Variants in ANKFN1 observed in about 807,000 individuals in gnomAD.
ANKFN1 encodes the protein ankyrin repeat and fibronectin type III domain containing 1.
Under a neutral mutation model 108.7 loss-of-function variants are expected in ANKFN1, and 74 were observed. The ratio of observed to expected loss-of-function variants is 0.68; its 90% CI spans 0.56 to 0.83. The LOEUF is 0.83. ANKFN1 is among the 40% of genes least tolerant of loss of function. ANKFN1 has a pLI of 0.00. For synonymous variants in ANKFN1, 547 were observed against 516.2 expected (o/e 1.06, Z -0.81); for missense variants, 1,505 against 1,382.3 (o/e 1.09, Z -1.41).
In ANKFN1 at chr17:56,070,760, C is replaced by T. The variant is rs139338960; in HGVS notation, c.288+24435C>T. Among the ~76,000 whole-genome samples the T allele has an allele frequency of 9.5e-4, 138 of 145,218 alleles. 1 individual carries two copies. Among genetic ancestry groups the T allele is most frequent in the African/African-American group, 3.6e-3 (135 of 37,516 alleles). Reference sequence around the variant, plus strand: ...TATTTTTTTCTTTTTTTTTTTGAGACGTACTCTCACTCTCACCAGGCTGGG... The same window carrying T: ...TATTTTTTTCTTTTTTTTTTTGAGATGTACTCTCACTCTCACCAGGCTGGG... On this transcript the variant is annotated intron_variant, in intron 4 of 12. Transcript: ENST00000635860.
At chr17:56,301,550 T>A (rs2044670349) in intron 3 of ANKFN1, among the ~76,000 whole-genome samples, 1 of 152,212 alleles carries the variant, frequency 6.6e-6, no homozygotes, top group Non-Finnish European at 1.5e-5. Context: ...GGGGAACACT[T>A]GTCTCCCAAA....
In ANKFN1 at chr17:56,294,287, C is replaced by T. The variant is rs1257275443; in HGVS notation, c.54-31934C>T. Among the ~76,000 whole-genome samples, 3 of 152,122 alleles carry T rather than the reference C, an allele frequency of 2.0e-5. No individual in the cohort carries two copies. In the East Asian group the frequency reaches 5.8e-4, roughly 29 times the overall value. On this transcript the variant is annotated intron_variant, in intron 3 of 20. Transcript: ENST00000682825. ...TAATCAAGAAGAGAATGCATGATTG[C>T]CCCTGGAAACCAAGTGATAGATCCA...
intron 2 of ANKFN1, among the ~76,000 whole-genome samples, chr17:56,222,224 G>A (rs1283903571): frequency 1.3e-5 from 2 of 152,112 alleles, no homozygotes; most frequent in African/African-American, 2.4e-5. Flanking sequence ...AGAACTTGGA[G>A]GCTTCCCCTA....
intron 4 of ANKFN1, among the ~76,000 whole-genome samples, chr17:56,111,827 T>C (rs1423152242): frequency 6.6e-6 from 1 of 152,250 alleles, no homozygotes; most frequent in African/African-American, 2.4e-5. Flanking sequence ...GCATAACTCA[T>C]TGAGTTTATT....
intron 19 of ANKFN1, among the ~76,000 whole-genome samples, chr17:56,497,990 T>C (rs1400937681): frequency 1.3e-5 from 2 of 152,138 alleles, no homozygotes; most frequent in African/African-American, 4.8e-5. Context: ...TCGTCATCTA[T>C]ATATACAGAG....
At chr17:56,233,160 T>A (rs1423449941) in intron 3 of ANKFN1, among the ~76,000 whole-genome samples, 1 of 152,120 alleles carries the variant, frequency 6.6e-6, no homozygotes, top group African/African-American at 2.4e-5. Flanking sequence ...GTTGTATTGT[T>A]GTTGCTTTTG....
At chr17:56,446,102 T>G (rs1156947954) in intron 10 of ANKFN1, among the ~76,000 whole-genome samples, 3 of 152,214 alleles carry the variant, frequency 2.0e-5, no homozygotes, top group Admixed American at 6.5e-5. Flanking sequence ...TTATGTCCAG[T>G]GCTCACTTGG....
At chr17:56,387,869 C>G (rs115055393) in intron 8 of ANKFN1, among the ~76,000 whole-genome samples, 2,932 of 152,192 alleles carry the variant, frequency 0.019, 80 homozygotes, top group African/African-American at 0.065. Flanking sequence ...ATGCATTTGT[C>G]TCTTGTAAAG....
At chr17:56,467,783 G>GAAAGAAAGAA (rs2050145430) in intron 15 of ANKFN1, among the ~76,000 whole-genome samples, 7 of 22,864 alleles carry the variant, frequency 3.1e-4, no homozygotes, top group African/African-American at 5.7e-4. Context: ...AAGAAAGAAA[G>GAAAGAAAGAA]AAAGAAAGAA....
At chr17:56,331,243 A>G (rs2045653899) in intron 4 of ANKFN1, among the ~76,000 whole-genome samples, 1 of 152,180 alleles carries the variant, frequency 6.6e-6, no homozygotes, top group East Asian at 1.9e-4. Flanking sequence ...AGCAACTGAA[A>G]GTTGCCATAA....
At chr17:56,175,533 T>C (rs554232499) in intron 1 of ANKFN1, among the ~76,000 whole-genome samples, 1 of 152,270 alleles carries the variant, frequency 6.6e-6, no homozygotes, top group African/African-American at 2.4e-5. Context: ...TTGTGAGACA[T>C]CTTCAGAAAT....
intron 2 of ANKFN1, among the ~76,000 whole-genome samples, chr17:56,220,696 A>AGGAAAG (rs143215264): frequency 1.4e-4 from 20 of 146,782 alleles, no homozygotes; most frequent in Non-Finnish European, 2.5e-4. Context: ...AAGAAAGGAA[A>AGGAAAG]GGAAAGGGAA....
At chr17:56,423,525 C>T (rs930014612) in intron 8 of ANKFN1, among the ~76,000 whole-genome samples, 10 of 152,150 alleles carry the variant, frequency 6.6e-5, no homozygotes, top group Admixed American at 2.0e-4. Flanking sequence ...CAAGGCCTTC[C>T]GCATATCAAC....
chr17:56,133,723 A>G (rs1031359099), intron 4 of ANKFN1, among the ~76,000 whole-genome samples: 2 of 152,230 alleles, frequency 1.3e-5, no homozygotes, highest in Admixed American at 1.3e-4. Flanking sequence ...AGTGTAGACA[A>G]TCATTGAATC....
chr17:56,443,051 G>A (rs1016084403), intron 10 of ANKFN1, 118 bp downstream of exon 10: 2 of 897,922 alleles, frequency 2.2e-6, no homozygotes, highest in East Asian at 5.3e-5. Context: ...GACCTTCTCA[G>A]GGCAGCATCT....
chr17:56,049,309 T>G (rs143089418), intron 4 of ANKFN1, among the ~76,000 whole-genome samples: 1 of 152,338 alleles, frequency 6.6e-6, no homozygotes, highest in Non-Finnish European at 1.5e-5. Flanking sequence ...AGCATGCATT[T>G]GCCCACCCTG....
intron 4 of ANKFN1, among the ~76,000 whole-genome samples, chr17:56,092,909 G>T (rs1386895819): frequency 6.6e-6 from 1 of 151,116 alleles, no homozygotes; most frequent in Non-Finnish European, 1.5e-5. Context: ...CTGCCAAGTT[G>T]CTTGGAATTT....
intron 4 of ANKFN1, among the ~76,000 whole-genome samples, chr17:56,338,895 A>G (rs2144609288): frequency 6.6e-6 from 1 of 152,218 alleles, no homozygotes; most frequent in Non-Finnish European, 1.5e-5. Flanking sequence ...TCTGTAATGC[A>G]GAGGAAATAA....
At chr17:56,160,604 G>GA (rs1162486630) in intron 1 of ANKFN1, among the ~76,000 whole-genome samples, 2 of 152,026 alleles carry the variant, frequency 1.3e-5, no homozygotes, top group Admixed American at 6.6e-5. Flanking sequence ...AGAGTTCCAG[G>GA]AAAAAAATGG....
Sources: allele counts gnomAD v4.1 joint callset (sites outside exome capture counted in the v4.1 genomes callset), GRCh38; gene constraint gnomAD v4.1.1; transcripts MANE v1.5; gene names NCBI Gene and HGNC (gene_info 2026-07-23, HGNC 2026-07-21).